Variants in TNFRSF9 observed in about 807,000 individuals in gnomAD.
TNFRSF9 encodes tumor necrosis factor receptor superfamily member 9.
A neutral mutation model predicts 28.8 loss-of-function variants in TNFRSF9; 16 were observed. The observed-to-expected ratio is 0.55, with a 90% CI of 0.38 to 0.84. The LOEUF (loss-of-function observed/expected upper bound fraction) is 0.84, where lower values mean the gene tolerates loss of function less well. Among genes scored for constraint, TNFRSF9 ranks in the 40% least tolerant of loss-of-function variants. The pLI, the probability that TNFRSF9 is intolerant of heterozygous loss-of-function variation, is 0.00. For synonymous variants in TNFRSF9, 131 were observed against 117.0 expected, an observed-to-expected ratio of 1.12 and a Z score of -0.77; for missense variants, 303 against 315.0, an observed-to-expected ratio of 0.96 and a Z score of 0.29.
chr1:7,928,914 AAAACAAAC>A (rs928175739), intron 7 of TNFRSF9, among the ~76,000 whole-genome samples: 25 of 152,156 alleles, frequency 1.6e-4, no homozygotes, highest in African/African-American at 5.8e-4. Flanking sequence ...AAAAAACCAA[AAAACAAAC>A]AAACAAACAA....
chr1:7,919,644 A>C lies in TNFRSF9; in HGVS notation c.*1191T>G, dbSNP rs1639528825. The C allele has an allele frequency of 1.3e-5, 2 of 152,226 alleles. No individual in the cohort carries two copies. The highest frequency in any genetic ancestry group is 1.3e-4 in the Admixed American group (2 of 15,270). The allele number at this position is 152,226 out of a possible 1,614,324, so 9.4% of individuals were successfully genotyped here. A position where few individuals can be genotyped will look rare whatever the true frequency, so the allele number is the denominator to read the frequency against. On this transcript the variant is annotated 3_prime_UTR_variant, in exon 8 of 8. Coordinates refer to ENST00000377507, the MANE Select transcript of TNFRSF9 (RefSeq NM_001561.6). ...CACTTGAGCCCAGGAGTTTAAGGCTAAAGTGTGCTATGATTGTGCCTGTGA... is the reference window on the plus strand; with the variant it reads ...CACTTGAGCCCAGGAGTTTAAGGCTCAAGTGTGCTATGATTGTGCCTGTGA...
Position 7,935,053 on chromosome 1 carries a change from TC to T in TNFRSF9, c.503del (p.Gly168GlufsTer5). 1 of 1,614,184 alleles carries T rather than the reference TC, an allele frequency of 6.2e-7. No homozygotes were observed. Among genetic ancestry groups the T allele is most frequent in the Non-Finnish European group, 8.5e-7 (1 of 1,180,026 alleles). On this transcript the variant is annotated frameshift_variant, in exon 6 of 8. Coordinates refer to ENST00000377507, the MANE Select transcript of TNFRSF9 (RefSeq NM_001561.6). LOFTEE classifies it high-confidence loss of function. ...GGGCAGGCGGGGTCACAGAGGATGC[TC>T]CCGGAGAGAGGTCGGCTGGAGATGG... ...CGPSPADLSP[G>X]ASSVTPPAPA...
chr1:7,935,024 G>T lies in TNFRSF9; in HGVS notation c.533C>A (p.Ala178Glu), dbSNP rs1639796145. The T allele has an allele frequency of 1.2e-6, 2 of 1,614,144 alleles. No homozygotes were observed. Among genetic ancestry groups the T allele is most frequent in the African/African-American group, 1.3e-5 (1 of 75,064 alleles). ...GASSVTPPAP[A>E]REPGHSPQII... ...CATAGCCCAGTTACCTGGCTCTCTCGCAGGGGCAGGCGGGGTCACAGAGGA... is the reference window on the plus strand; with the variant it reads ...CATAGCCCAGTTACCTGGCTCTCTCTCAGGGGCAGGCGGGGTCACAGAGGA... Residue 178 changes from alanine to glutamate, a missense_variant, in exon 6 of 8, where the codon GCG (alanine) becomes GAG (glutamate). Coordinates refer to ENST00000377507, the MANE Select transcript of TNFRSF9 (RefSeq NM_001561.6).
At chr1:7,931,221 G>A (rs551105249) in intron 7 of TNFRSF9, among the ~76,000 whole-genome samples, 2 of 152,276 alleles carry the variant, frequency 1.3e-5, no homozygotes, top group East Asian at 1.9e-4. Flanking sequence ...GCATATTCAC[G>A]ACCAAGATAC....
At chr1:7,932,981 C>T (rs1371552326) in intron 7 of TNFRSF9, 181 bp downstream of exon 7, 6 of 658,634 alleles carry the variant, frequency 9.1e-6, no homozygotes, top group East Asian at 9.1e-5. Context: ...CACCACCGAG[C>T]GGTGAACACT....
chr1:7,934,404 A>G (rs1639785102), intron 6 of TNFRSF9, among the ~76,000 whole-genome samples: 1 of 150,678 alleles, frequency 6.6e-6, no homozygotes, highest in Non-Finnish European at 1.5e-5. Flanking sequence ...AGAGAAAGAA[A>G]AAAGAAAAGA....
At chr1:7,938,390 G>A (rs796088402) in intron 3 of TNFRSF9, 60 bp from the exon 4 acceptor site, 33 of 1,464,400 alleles carry the variant, frequency 2.3e-5, no homozygotes, top group African/African-American at 1.4e-4. Flanking sequence ...TCCAGGAAGC[G>A]AATTTATGCT....
At chr1:7,921,847 C>A (rs1308623457) in intron 7 of TNFRSF9, 1 of 152,102 alleles carries the variant, frequency 6.6e-6, no homozygotes, top group African/African-American at 2.4e-5. Flanking sequence ...AAGCATGAAT[C>A]TTAAGCATGA....
rs568542052 is a variant in TNFRSF9 at position 7,937,412 on chromosome 1, G to C, written c.413+278C>G. Among the ~76,000 whole-genome samples the C allele has an allele frequency of 2.6e-5, 4 of 152,238 alleles. No homozygotes were observed. In the South Asian group the frequency reaches 8.3e-4, roughly 32 times the overall value. Reference sequence around the variant, plus strand: ...GGGCTCAAGGAGTCCTCCTGTCTCAGCCTCCCAAAGTGCTGGGATTACAGG... The same window carrying C: ...GGGCTCAAGGAGTCCTCCTGTCTCACCCTCCCAAAGTGCTGGGATTACAGG... On this transcript the variant is annotated intron_variant, in intron 5 of 7. Coordinates refer to ENST00000377507, the MANE Select transcript of TNFRSF9 (RefSeq NM_001561.6).
chr1:7,933,382 T>C, intron 6 of TNFRSF9, 86 bp from the exon 7 acceptor site: 2 of 1,462,456 alleles, frequency 1.4e-6, no homozygotes, highest in South Asian at 1.4e-5. Flanking sequence ...GGTAAATTTC[T>C]AAGCATGAGA....
Position 7,918,279 on chromosome 1 carries a change from C to G in TNFRSF9, c.*2556G>C, listed in dbSNP as rs1286855920. The G allele has an allele frequency of 6.6e-6, 1 of 152,242 alleles. No individual in the cohort carries two copies. 9.4% of individuals were successfully genotyped at this position (152,242 alleles called of 1,614,324 possible). A position where few individuals can be genotyped will look rare whatever the true frequency, so the allele number is the denominator to read the frequency against. ...GGGATTACAGGTGTGAGCTACCGTGCCTGGCCACAAAGAAGATATTTTTTA... is the reference window on the plus strand; with the variant it reads ...GGGATTACAGGTGTGAGCTACCGTGGCTGGCCACAAAGAAGATATTTTTTA... On this transcript the variant is annotated 3_prime_UTR_variant, in exon 8 of 8. Transcript: ENST00000377507.
intron 5 of TNFRSF9, among the ~76,000 whole-genome samples, chr1:7,936,800 C>T (rs1446168007): frequency 6.6e-6 from 1 of 152,204 alleles, no homozygotes; most frequent in Non-Finnish European, 1.5e-5. Context: ...CAACAGACCA[C>T]ATTACTCTGC....
chr1:7,938,139 G>A (rs1189388131), intron 4 of TNFRSF9, 54 bp downstream of exon 4: 1 of 1,465,148 alleles, frequency 6.8e-7, no homozygotes, highest in Non-Finnish European at 9.1e-7. Flanking sequence ...CAAGATCAAA[G>A]CTAAGTTTGT....
chr1:7,934,519 G>C (rs1325462724), intron 6 of TNFRSF9, among the ~76,000 whole-genome samples: 3 of 151,864 alleles, frequency 2.0e-5, no homozygotes, highest in Admixed American at 6.6e-5. Flanking sequence ...GACCAGACTG[G>C]CCAGCATGGT....
intron 1 of TNFRSF9, among the ~76,000 whole-genome samples, chr1:7,940,503 T>C (rs1355087900): frequency 1.3e-5 from 2 of 152,170 alleles, no homozygotes; most frequent in Non-Finnish European, 2.9e-5. Context: ...CTCTTCCCCC[T>C]TTAGCTGAAC....
intron 7 of TNFRSF9, among the ~76,000 whole-genome samples, chr1:7,923,991 G>A (rs574385015): frequency 3.1e-4 from 47 of 152,232 alleles, no homozygotes; most frequent in Non-Finnish European, 1.5e-5. Flanking sequence ...CAGTCATACA[G>A]CGTACAACAA....
intron 7 of TNFRSF9, among the ~76,000 whole-genome samples, chr1:7,931,172 G>T (rs1296395352): frequency 5.3e-5 from 8 of 152,216 alleles, no homozygotes; most frequent in Non-Finnish European, 1.0e-4. Flanking sequence ...ACCGCCAGGG[G>T]AGTGTAAATG....
intron 7 of TNFRSF9, among the ~76,000 whole-genome samples, chr1:7,928,001 G>C (rs1422239410): frequency 6.6e-6 from 1 of 151,916 alleles, no homozygotes. Flanking sequence ...CTAGAAAATA[G>C]GTGAAAGACC....
chr1:7,919,327 GT>G lies in TNFRSF9; in HGVS notation c.*1507del, dbSNP rs1157064126. ...GTTTGAGACCAGCCTGGACAACATG[GT>G]GAAACCCCGTCTCTACTAAAAATAT... On this transcript the variant is annotated 3_prime_UTR_variant, in exon 8 of 8. Coordinates refer to ENST00000377507, the MANE Select transcript of TNFRSF9 (RefSeq NM_001561.6). 1 of 152,144 alleles carries G rather than the reference GT, an allele frequency of 6.6e-6. No individual in the cohort carries two copies. Among genetic ancestry groups the G allele is most frequent in the Non-Finnish European group, 1.5e-5 (1 of 68,064 alleles). 9.4% of individuals were successfully genotyped at this position (152,144 alleles called of 1,614,324 possible).
Sources: allele counts gnomAD v4.1 joint callset (sites outside exome capture counted in the v4.1 genomes callset), GRCh38; gene constraint gnomAD v4.1.1; transcripts MANE v1.5; gene names NCBI Gene and HGNC (gene_info 2026-07-23, HGNC 2026-07-21).